Variants in LRRC7 observed in about 807,000 individuals in gnomAD.
The protein encoded by LRRC7 is leucine-rich repeat-containing protein 7.
LRRC7 carries 23 observed loss-of-function variants against 175.7 expected under a neutral mutation model. That is an observed-to-expected ratio of 0.13 (90% confidence interval 0.09 to 0.19). The LOEUF (loss-of-function observed/expected upper bound fraction) is 0.19. Ranked by LOEUF, LRRC7 falls within the 10% of genes least tolerant of loss-of-function variation. The probability of loss-of-function intolerance (pLI) is 1.00; values close to 1 mark genes in which losing one functional copy is unlikely to be tolerated. For missense variants in LRRC7, 1,354 were observed against 1,904.7 expected (o/e 0.71, Z 5.38); for synonymous variants, 685 against 680.9 (o/e 1.01, Z -0.09).
At chr1:70,073,079 C>T (rs1415751878) in intron 23 of LRRC7, among the ~76,000 whole-genome samples, 1 of 152,152 alleles carries the variant, frequency 6.6e-6, no homozygotes, top group Non-Finnish European at 1.5e-5. Context: ...CTCTTCCACC[C>T]TTAGTTTTGT....
At chr1:70,059,474 A>AGT (rs10542055) in intron 23 of LRRC7, among the ~76,000 whole-genome samples, 9,949 of 132,146 alleles carry the variant, frequency 0.075, 367 homozygotes, top group South Asian at 0.082. Context: ...ACTAGAAGAA[A>AGT]GTGTGTGTGT....
At chr1:69,809,631 A>G (rs1309268268) in intron 4 of LRRC7, among the ~76,000 whole-genome samples, 1 of 152,214 alleles carries the variant, frequency 6.6e-6, no homozygotes, top group Non-Finnish European at 1.5e-5. Flanking sequence ...CACGCAAATC[A>G]GCAAATGTAA....
intron 19 of LRRC7, 100 bp from the exon 20 acceptor site, chr1:70,036,344 A>C (rs1659309862): frequency 7.1e-7 from 1 of 1,408,394 alleles, no homozygotes; most frequent in Admixed American, 2.1e-5. Context: ...ACAAATATGC[A>C]TTTCTAACCT....
chr1:69,720,954 C>T (rs984237775), intron 2 of LRRC7, among the ~76,000 whole-genome samples: 3 of 151,842 alleles, frequency 2.0e-5, no homozygotes, highest in African/African-American at 7.2e-5. Context: ...CATCCATCTC[C>T]AGAACTCTTC....
chr1:69,708,856 AC>A (rs1443970361), intron 2 of LRRC7, among the ~76,000 whole-genome samples: 1 of 152,112 alleles, frequency 6.6e-6, no homozygotes, highest in Non-Finnish European at 1.5e-5. Flanking sequence ...AACACACAAG[AC>A]CTTTTAAGGG....
At chr1:70,050,954 C>T (rs1660702761) in intron 22 of LRRC7, among the ~76,000 whole-genome samples, 2 of 151,882 alleles carry the variant, frequency 1.3e-5, no homozygotes, top group East Asian at 1.9e-4. Flanking sequence ...ATTTTGCTAC[C>T]TAGTGAAAGT....
intron 4 of LRRC7, among the ~76,000 whole-genome samples, chr1:69,803,338 G>T (rs779427101): frequency 4.0e-5 from 6 of 151,272 alleles, no homozygotes; most frequent in African/African-American, 1.5e-4. Context: ...AGATTAATTT[G>T]GGAAGTGTTG....
chr1:70,088,688 A>G (rs1271866421), intron 24 of LRRC7, among the ~76,000 whole-genome samples: 3 of 152,128 alleles, frequency 2.0e-5, no homozygotes. Flanking sequence ...TACCTGGAGA[A>G]CTAACATTTT....
chr1:69,677,331 G>A (rs1258485322), intron 1 of LRRC7, among the ~76,000 whole-genome samples: 2 of 130,106 alleles, frequency 1.5e-5, no homozygotes, highest in African/African-American at 5.6e-5. Flanking sequence ...GTGATGGGCA[G>A]TTAGGTTGAT....
At chr1:69,956,844 AT>A (rs1193803458) in intron 8 of LRRC7, among the ~76,000 whole-genome samples, 1 of 151,618 alleles carries the variant, frequency 6.6e-6, no homozygotes, top group Non-Finnish European at 1.5e-5. Context: ...GTGTTTAAAA[AT>A]TTTGCATTTT....
chr1:69,912,986 A>G (rs1041375818), intron 7 of LRRC7, among the ~76,000 whole-genome samples: 1 of 152,192 alleles, frequency 6.6e-6, no homozygotes, highest in African/African-American at 2.4e-5. Flanking sequence ...GCATTAAACT[A>G]GAGATAATCA....
chr1:69,745,023 T>G (rs1341963648), intron 2 of LRRC7, among the ~76,000 whole-genome samples: 1 of 151,892 alleles, frequency 6.6e-6, no homozygotes, highest in Non-Finnish European at 1.5e-5. Context: ...ATATCTGGAT[T>G]GTTTATACGC....
chr1:69,575,192 A>G (rs1465718658), intron 1 of LRRC7, among the ~76,000 whole-genome samples: 1 of 152,106 alleles, frequency 6.6e-6, no homozygotes, highest in African/African-American at 2.4e-5. Flanking sequence ...TCCAACTGTT[A>G]ATGGGAGAAA....
chr1:69,714,640 T>C (rs1665139365), intron 2 of LRRC7, among the ~76,000 whole-genome samples: 1 of 152,078 alleles, frequency 6.6e-6, no homozygotes, highest in Non-Finnish European at 1.5e-5. Context: ...AACAAAGATG[T>C]AGTGGGGGCC....
intron 7 of LRRC7, chr1:69,873,745 T>C (rs1331449093): frequency 5.8e-6 from 1 of 172,436 alleles, no homozygotes; most frequent in East Asian, 1.6e-4. Context: ...TTCTGACTAA[T>C]ATAGAGAGAC....
intron 7 of LRRC7, among the ~76,000 whole-genome samples, chr1:69,913,669 G>A (rs932415493): frequency 1.3e-5 from 2 of 151,962 alleles, no homozygotes; most frequent in African/African-American, 2.4e-5. Context: ...CCATGACCAC[G>A]CCTGGCTAAT....
chr1:70,028,891 A>G (rs906215576), intron 18 of LRRC7, among the ~76,000 whole-genome samples: 3 of 152,178 alleles, frequency 2.0e-5, no homozygotes, highest in Non-Finnish European at 4.4e-5. Context: ...CTTAATTCCT[A>G]TATTTTAGAA....
At chr1:70,017,200 GGGGGGCA>G (rs553000086) in intron 14 of LRRC7, among the ~76,000 whole-genome samples, 53 of 151,354 alleles carry the variant, frequency 3.5e-4, no homozygotes, top group Non-Finnish European at 6.6e-4. Context: ...GCTTGAACCC[GGGGGGCA>G]CAGGTTGCAG....
At chr1:69,939,039 ATCTATATCT>A (rs1648405372) in intron 8 of LRRC7, among the ~76,000 whole-genome samples, 3 of 81,436 alleles carry the variant, frequency 3.7e-5, no homozygotes, top group Non-Finnish European at 5.7e-5. Context: ...ATCTATATAT[ATCTATATCT>A]ATCTCACAGA....
Sources: gnomAD v4.1 joint callset for allele counts (sites outside exome capture counted in the v4.1 genomes callset) on GRCh38, gnomAD v4.1.1 for gene constraint, MANE v1.5 for transcripts, NCBI Gene and HGNC (gene_info 2026-07-23, HGNC 2026-07-21) for gene names.